The following TRIO variants were observed in gnomAD, a reference collection of about 807,000 sequenced individuals.
TRIO encodes triple functional domain protein.
TRIO carries 58 observed loss-of-function variants against 351.9 expected under a neutral mutation model. The observed-to-expected ratio is 0.16, with a 90% CI of 0.13 to 0.21. The LOEUF (loss-of-function observed/expected upper bound fraction) is 0.21. TRIO is among the 10% of genes least tolerant of loss of function. The pLI is 1.00. For missense variants in TRIO, 3,201 were observed against 4,027.8 expected (o/e 0.79, Z 5.56); for synonymous variants, 1,758 against 1,595.7 (o/e 1.10, Z -2.42).
intron 33 of TRIO, among the ~76,000 whole-genome samples, chr5:14,409,576 T>G (rs1373649690): frequency 6.6e-6 from 1 of 151,884 alleles, no homozygotes; most frequent in Non-Finnish European, 1.5e-5. Flanking sequence ...GGCTCACGCC[T>G]GTAATCCCAG....
intron 34 of TRIO, among the ~76,000 whole-genome samples, chr5:14,458,876 C>T (rs1406176112): frequency 2.6e-5 from 4 of 152,186 alleles, no homozygotes; most frequent in Non-Finnish European, 5.9e-5. Flanking sequence ...CTTTTCCTAC[C>T]TCCTTCCAGA....
chr5:14,309,654 C>T (rs1208223011), intron 8 of TRIO, among the ~76,000 whole-genome samples: 1 of 152,192 alleles, frequency 6.6e-6, no homozygotes, highest in Non-Finnish European at 1.5e-5. Context: ...ACATGCTGAG[C>T]AGCACTCCTG....
intron 36 of TRIO, among the ~76,000 whole-genome samples, chr5:14,464,561 C>T (rs760034674): frequency 2.0e-5 from 3 of 152,084 alleles, no homozygotes; most frequent in Non-Finnish European, 2.9e-5. Flanking sequence ...CTTACCTTTC[C>T]GTTTGAATTT....
intron 2 of TRIO, among the ~76,000 whole-genome samples, chr5:14,273,600 G>A (rs559268806): frequency 7.2e-5 from 11 of 152,304 alleles, no homozygotes; most frequent in African/African-American, 2.6e-4. Context: ...GTGGGATTAA[G>A]GCCCTTATAA....
At chr5:14,408,807 G>A (rs1394395612) in intron 33 of TRIO, among the ~76,000 whole-genome samples, 1 of 151,710 alleles carries the variant, frequency 6.6e-6, no homozygotes, top group Non-Finnish European at 1.5e-5. Context: ...CCATTCTTAA[G>A]ATAAACTCCT....
At position 14,507,012 on chromosome 5, in the gene TRIO, G is replaced by C. The variant is rs565278794; in HGVS notation, c.8613-110G>C. The C allele has an allele frequency of 6.4e-6, 9 of 1,396,194 alleles. No individual in the cohort carries two copies. In the East Asian group the frequency reaches 2.4e-4, roughly 37 times the overall value. 86.5% of individuals were successfully genotyped at this position (1,396,194 alleles called of 1,614,324 possible). ...CTTAGAGGCACGGCCCTGAGATCCC[G>C]ATGACACATTCATAACAGGTGACAG... On this transcript the variant is annotated intron_variant, in intron 55 of 56. Transcript: ENST00000344204.
intron 34 of TRIO, among the ~76,000 whole-genome samples, chr5:14,422,934 G>A (rs768895780): frequency 4.6e-5 from 7 of 152,222 alleles, no homozygotes; most frequent in Non-Finnish European, 1.0e-4. Flanking sequence ...AAACCAGCCT[G>A]GGTATCATAG....
intron 1 of TRIO, among the ~76,000 whole-genome samples, chr5:14,240,294 T>G (rs950202646): frequency 8.5e-5 from 13 of 152,156 alleles, no homozygotes; most frequent in Non-Finnish European, 1.6e-4. Context: ...ATCTACTAAA[T>G]GCAATTTGGT....
chr5:14,212,729 C>T (rs773232961), intron 1 of TRIO, among the ~76,000 whole-genome samples: 4 of 152,148 alleles, frequency 2.6e-5, no homozygotes, highest in Non-Finnish European at 5.9e-5. Flanking sequence ...ATCAGGTCTA[C>T]TGATTGATTA....
intron 34 of TRIO, among the ~76,000 whole-genome samples, chr5:14,458,209 C>T (rs1753511835): frequency 6.6e-6 from 1 of 152,170 alleles, no homozygotes; most frequent in African/African-American, 2.4e-5. Flanking sequence ...AAAGACTGTC[C>T]TTAAAATATG....
chr5:14,309,393 C>T (rs908663923), intron 8 of TRIO, among the ~76,000 whole-genome samples: 5 of 152,194 alleles, frequency 3.3e-5, no homozygotes, highest in Admixed American at 2.6e-4. Context: ...CACAGGGACA[C>T]CTCTTTTGGC....
intron 27 of TRIO, among the ~76,000 whole-genome samples, chr5:14,393,074 A>G (rs1747247482): frequency 1.3e-5 from 2 of 149,774 alleles, no homozygotes; most frequent in African/African-American, 5.0e-5. Flanking sequence ...AAAAAAAAGG[A>G]TGGGTTCATG....
chr5:14,362,916 A>G (rs944561184), intron 13 of TRIO, among the ~76,000 whole-genome samples: 10 of 152,180 alleles, frequency 6.6e-5, no homozygotes, highest in Non-Finnish European at 1.5e-4. Context: ...AGATTCATCT[A>G]TAAAGAGGAA....
intron 8 of TRIO, among the ~76,000 whole-genome samples, chr5:14,309,741 C>T (rs980460788): frequency 2.0e-5 from 3 of 152,190 alleles, no homozygotes; most frequent in Admixed American, 6.5e-5. Context: ...AAGTGCTAGA[C>T]ATTGAACTGG....
intron 1 of TRIO, among the ~76,000 whole-genome samples, chr5:14,223,927 G>A (rs565186396): frequency 1.3e-5 from 2 of 152,248 alleles, no homozygotes; most frequent in African/African-American, 4.8e-5. Context: ...GGATTCACAA[G>A]TGATTACATT....
intron 1 of TRIO, among the ~76,000 whole-genome samples, chr5:14,148,634 C>T (rs999673529): frequency 6.6e-6 from 1 of 152,164 alleles, no homozygotes; most frequent in African/African-American, 2.4e-5. Context: ...ATTTTAACAG[C>T]GCCACTGGCA....
rs962333622 is a variant in TRIO, at chr5:14,488,453, G to A, written c.7632+193G>A. On this transcript the variant is annotated intron_variant, in intron 48 of 56. Transcript: ENST00000344204. ...CTACTAACTACTCCTTGCTTTGTTC[G>A]TGTCTTCTAATAAGAGCAAGCCGAT... The A allele has an allele frequency of 1.6e-4, 121 of 766,522 alleles. 3 individuals carry two copies. The South Asian group carries it at 1.8e-3, about 12-fold the overall frequency. The allele number at this position is 766,522 out of a possible 1,614,324, so 47.5% of individuals were successfully genotyped here.
At chr5:14,193,897 TCG>T (rs1330123729) in intron 1 of TRIO, among the ~76,000 whole-genome samples, 2 of 117,048 alleles carry the variant, frequency 1.7e-5, no homozygotes, top group East Asian at 2.7e-4. Context: ...TACTGTGTGT[TCG>T]TGTGCCTGGT....
At chr5:14,483,183 G>A (rs568909463) in intron 46 of TRIO, among the ~76,000 whole-genome samples, 2 of 152,338 alleles carry the variant, frequency 1.3e-5, no homozygotes, top group South Asian at 2.1e-4. Context: ...AGCAACAGGC[G>A]TGAGGGCTCC....
Sources: gnomAD v4.1 joint callset for allele counts (sites outside exome capture counted in the v4.1 genomes callset) on GRCh38, gnomAD v4.1.1 for gene constraint, MANE v1.5 for transcripts, NCBI Gene and HGNC (gene_info 2026-07-23, HGNC 2026-07-21) for gene names.